The following AUTS2 variants were observed in gnomAD, a reference collection of about 807,000 sequenced individuals.
AUTS2 encodes activator of transcription and developmental regulator AUTS2.
AUTS2 carries 17 observed loss-of-function variants against 112.4 expected under a neutral mutation model. The ratio of observed to expected loss-of-function variants is 0.15; its 90% CI spans 0.10 to 0.23. The LOEUF is 0.23. AUTS2 is among the 10% of genes least tolerant of loss of function. The pLI, the probability that AUTS2 is intolerant of heterozygous loss-of-function variation, is 1.00. For missense variants in AUTS2, 1,510 were observed against 1,701.6 expected, an observed-to-expected ratio of 0.89 and a Z score of 1.98; for synonymous variants, 751 against 702.7, an observed-to-expected ratio of 1.07 and a Z score of -1.09.
At chr7:70,525,399 A>G (rs374225627) in intron 5 of AUTS2, among the ~76,000 whole-genome samples, 6 of 146,340 alleles carry the variant, frequency 4.1e-5, no homozygotes, top group East Asian at 1.9e-4. Flanking sequence ...AAGGGACTCA[A>G]TGTATATTTG....
chr7:69,671,513 G>GTC, intron 1 of AUTS2, among the ~76,000 whole-genome samples: 1 of 150,400 alleles, frequency 6.6e-6, no homozygotes, highest in Non-Finnish European at 1.5e-5. Flanking sequence ...GTGTGTGTGT[G>GTC]TGTGTGTGTG....
At chr7:69,698,957 A>G (rs936186134) in intron 1 of AUTS2, among the ~76,000 whole-genome samples, 5 of 152,152 alleles carry the variant, frequency 3.3e-5, no homozygotes, top group Admixed American at 6.5e-5. Context: ...AACTTTGACT[A>G]TATATTTTTT....
Position 70,127,876 on chromosome 7 carries a change from T to G in AUTS2, c.625-6660T>G, listed in dbSNP as rs186302193. On this transcript the variant is annotated intron_variant, in intron 3 of 18. Coordinates refer to ENST00000342771, the MANE Select transcript of AUTS2 (RefSeq NM_015570.4). ...TGATTTGTCTATCCCACAGTGCCACTGTTCATCCACCCATGCCAGCATCTG... is the reference window on the plus strand; with the variant it reads ...TGATTTGTCTATCCCACAGTGCCACGGTTCATCCACCCATGCCAGCATCTG... Among the ~76,000 whole-genome samples, 248 of 152,258 alleles carry G rather than the reference T, an allele frequency of 1.6e-3. 1 individual carries two copies. The highest frequency in any genetic ancestry group is 1.9e-3 in the Non-Finnish European group (130 of 67,998).
chr7:69,984,199 C>T (rs1584527696), intron 2 of AUTS2, among the ~76,000 whole-genome samples: 2 of 151,916 alleles, frequency 1.3e-5, no homozygotes, highest in Admixed American at 6.6e-5. Flanking sequence ...GGGCGGATCA[C>T]GAGGTCAGGA....
intron 3 of AUTS2, among the ~76,000 whole-genome samples, chr7:70,123,983 C>T (rs1224105626): frequency 6.6e-6 from 1 of 152,052 alleles, no homozygotes; most frequent in Non-Finnish European, 1.5e-5. Flanking sequence ...ATAATTGTTC[C>T]CTTTTCTCTG....
At position 70,547,358 on chromosome 7, in the gene AUTS2, G is replaced by A. The variant is rs543595133; in HGVS notation, c.690+111577G>A. Among the ~76,000 whole-genome samples the A allele has an allele frequency of 5.3e-5, 8 of 152,244 alleles. No homozygotes were observed. The South Asian group carries it at 1.2e-3, about 24-fold the overall frequency. Reference sequence around the variant, plus strand: ...CAACCTCCGCCTCCCGGGGTCAAGCGATTCTCCTGTTTCAGCCTTCCAAGT... The same window carrying A: ...CAACCTCCGCCTCCCGGGGTCAAGCAATTCTCCTGTTTCAGCCTTCCAAGT... On this transcript the variant is annotated intron_variant, in intron 5 of 18. Coordinates refer to ENST00000342771, the MANE Select transcript of AUTS2 (RefSeq NM_015570.4).
rs142652356 is a variant in AUTS2 at position 69,964,728 on chromosome 7, G to T, written c.522+65230G>T. On this transcript the variant is annotated intron_variant, in intron 2 of 18. Coordinates refer to ENST00000342771, the MANE Select transcript of AUTS2 (RefSeq NM_015570.4). ...AACGGGGAACGATCACAAGGAAATG[G>T]ATTGACATCTCTACTCTTTCACAAT... 5.9e-5 allele frequency among the ~76,000 whole-genome samples: 9 copies of T among 151,760 alleles called. No homozygotes were observed. In the East Asian group the frequency reaches 1.8e-3, roughly 30 times the overall value.
At chr7:69,936,152 A>T (rs963261507) in intron 2 of AUTS2, among the ~76,000 whole-genome samples, 3 of 152,100 alleles carry the variant, frequency 2.0e-5, no homozygotes, top group African/African-American at 7.2e-5. Flanking sequence ...TCAGTAGATG[A>T]AGTAGTTACT....
chr7:70,657,925 T>C (rs1806860179), intron 5 of AUTS2, among the ~76,000 whole-genome samples: 1 of 152,200 alleles, frequency 6.6e-6, no homozygotes. Context: ...AGTGACTCGT[T>C]TCCCAATCTA....
rs528442040 is a variant in AUTS2 at position 70,668,012 on chromosome 7, T to C, written c.691-30557T>C. ...GAGCATGAGATTCTGCATTTCTTTTTTCACCTAGGCTGGATGGAGTGCAGT... is the reference window on the plus strand; with the variant it reads ...GAGCATGAGATTCTGCATTTCTTTTCTCACCTAGGCTGGATGGAGTGCAGT... On this transcript the variant is annotated intron_variant, in intron 5 of 18. Transcript: ENST00000342771. 3.9e-4 allele frequency among the ~76,000 whole-genome samples: 60 copies of C among 152,316 alleles called. No individual in the cohort carries two copies. In the South Asian group the frequency reaches 0.012, roughly 31 times the overall value.
chr7:70,571,762 A>T (rs1340414443), intron 5 of AUTS2, among the ~76,000 whole-genome samples: 3 of 152,164 alleles, frequency 2.0e-5, no homozygotes, highest in African/African-American at 7.2e-5. Flanking sequence ...AGGACGTGTC[A>T]GCCCTGGAAA....
chr7:70,765,877 G>A lies in AUTS2; in HGVS notation c.1469-237G>A, dbSNP rs6959436. On this transcript the variant is annotated intron_variant, in intron 8 of 18. Transcript: ENST00000342771. ...CATTTGGCCTGGAGTTTGTTCCCCA[G>A]ATTGATAGACTGCCTGTCCCTGAAA... Among the ~76,000 whole-genome samples the A allele has an allele frequency of 0.71, 107,460 of 151,970 alleles. 38,851 individuals are homozygous for A. Among genetic ancestry groups the A allele is most frequent in the Non-Finnish European group, 0.79 (53,821 of 67,968 alleles).
chr7:69,990,251 C>A (rs1798690404), intron 2 of AUTS2, among the ~76,000 whole-genome samples: 1 of 152,252 alleles, frequency 6.6e-6, no homozygotes, highest in South Asian at 2.1e-4. Flanking sequence ...GATACAGCAT[C>A]TACTGAAATA....
intron 1 of AUTS2, among the ~76,000 whole-genome samples, chr7:69,740,528 T>TG (rs1213858072): frequency 6.6e-6 from 1 of 151,638 alleles, no homozygotes; most frequent in Non-Finnish European, 1.5e-5. Flanking sequence ...AATGTCTTTT[T>TG]TTTTTCTTTT....
intron 4 of AUTS2, among the ~76,000 whole-genome samples, chr7:70,153,606 T>TA (rs1807575367): frequency 6.6e-6 from 1 of 152,216 alleles, no homozygotes; most frequent in South Asian, 2.1e-4. Flanking sequence ...AAAGCTGTTT[T>TA]AAAATGATTA....
chr7:70,682,848 G>A lies in AUTS2; in HGVS notation c.691-15721G>A, dbSNP rs184157036. Among the ~76,000 whole-genome samples, 39 of 152,354 alleles carry A rather than the reference G, an allele frequency of 2.6e-4. No individual in the cohort carries two copies. The East Asian group carries it at 5.8e-3, about 23-fold the overall frequency. ...TTCACGTGGCTGGCAAGTTGTCAGG[G>A]GCTGTTGGCTGGGAACTCAGCTAGC... On this transcript the variant is annotated intron_variant, in intron 5 of 18. Transcript: ENST00000342771.
At chr7:70,744,251 A>C (rs1171184881) in intron 6 of AUTS2, among the ~76,000 whole-genome samples, 1 of 152,184 alleles carries the variant, frequency 6.6e-6, no homozygotes, top group Non-Finnish European at 1.5e-5. Context: ...AACGTCACTC[A>C]TTAACAATGG....
intron 5 of AUTS2, among the ~76,000 whole-genome samples, chr7:70,456,742 C>A (rs1796756080): frequency 6.6e-6 from 1 of 152,240 alleles, no homozygotes; most frequent in Non-Finnish European, 1.5e-5. Context: ...GCCTCTCCAT[C>A]CCCAGCCCTT....
intron 4 of AUTS2, among the ~76,000 whole-genome samples, chr7:70,354,692 G>A (rs1791913552): frequency 6.6e-6 from 1 of 152,130 alleles, no homozygotes; most frequent in Non-Finnish European, 1.5e-5. Context: ...ACTTGAAATG[G>A]GGTGAGTCCA....
Sources: gnomAD v4.1 joint callset for allele counts (sites outside exome capture counted in the v4.1 genomes callset) on GRCh38, gnomAD v4.1.1 for gene constraint, MANE v1.5 for transcripts, NCBI Gene and HGNC (gene_info 2026-07-23, HGNC 2026-07-21) for gene names.